PTPRK: variants seen among roughly 807,000 people sequenced by gnomAD.
PTPRK encodes the protein receptor-type tyrosine-protein phosphatase kappa.
A neutral mutation model predicts 178.0 loss-of-function variants in PTPRK; 75 were observed. The ratio of observed to expected loss-of-function variants is 0.42; its 90% confidence interval spans 0.35 to 0.51. PTPRK has a LOEUF of 0.51. Ranked by LOEUF, PTPRK falls within the 20% of genes least tolerant of loss-of-function variation. The pLI, the probability that PTPRK is intolerant of heterozygous loss-of-function variation, is 0.02. For missense variants in PTPRK, 1,441 were observed against 1,797.8 expected (o/e 0.80, Z 3.59); for synonymous variants, 637 against 620.6 (o/e 1.03, Z -0.39).
At chr6:128,380,375 G>T (rs1425580254) in intron 2 of PTPRK, among the ~76,000 whole-genome samples, 2 of 152,060 alleles carry the variant, frequency 1.3e-5, no homozygotes, top group Non-Finnish European at 2.9e-5. Context: ...AGCAAAGTGG[G>T]AGTTTTGTTT....
chr6:128,148,641 A>T (rs922579013), intron 7 of PTPRK, among the ~76,000 whole-genome samples: 4 of 152,180 alleles, frequency 2.6e-5, no homozygotes, highest in Non-Finnish European at 5.9e-5. Flanking sequence ...AACAGGTTAC[A>T]GATATACTAT....
intron 7 of PTPRK, among the ~76,000 whole-genome samples, chr6:128,164,502 C>G (rs901011641): frequency 2.6e-5 from 4 of 151,300 alleles, no homozygotes; most frequent in Non-Finnish European, 5.9e-5. Flanking sequence ...CTTTAACCCT[C>G]CAACGCCTCT....
chr6:128,317,454 C>A (rs1288894184), intron 3 of PTPRK, among the ~76,000 whole-genome samples: 1 of 150,322 alleles, frequency 6.7e-6, no homozygotes, highest in African/African-American at 2.5e-5. Flanking sequence ...AAAAAAAAAA[C>A]TGCTTCATTC....
chr6:128,172,715 GTA>G (rs1206391903), intron 7 of PTPRK, among the ~76,000 whole-genome samples: 1 of 150,800 alleles, frequency 6.6e-6, no homozygotes, highest in East Asian at 2.0e-4. Flanking sequence ...ATATATGTAT[GTA>G]TATGATATGC....
intron 7 of PTPRK, among the ~76,000 whole-genome samples, chr6:128,170,142 TAAG>T (rs1168258299): frequency 1.3e-5 from 2 of 151,950 alleles, no homozygotes; most frequent in Non-Finnish European, 1.5e-5. Flanking sequence ...CAAAGCCTAA[TAAG>T]AAACTTCATG....
intron 1 of PTPRK, among the ~76,000 whole-genome samples, chr6:128,459,202 C>T (rs1015312574): frequency 6.6e-6 from 1 of 152,090 alleles, no homozygotes; most frequent in Non-Finnish European, 1.5e-5. Context: ...AAATCAAAAA[C>T]ATCTTCTTAT....
At chr6:128,122,894 G>T (rs1792705750) in intron 7 of PTPRK, among the ~76,000 whole-genome samples, 1 of 152,040 alleles carries the variant, frequency 6.6e-6, no homozygotes. Context: ...GGCTTCTTTT[G>T]CCCAGTTCAT....
At chr6:128,053,290 C>G (rs1204924994) in intron 13 of PTPRK, among the ~76,000 whole-genome samples, 1 of 152,030 alleles carries the variant, frequency 6.6e-6, no homozygotes, top group African/African-American at 2.4e-5. Context: ...CTTCCCTGTG[C>G]GGCTGTGCTC....
chr6:128,315,184 C>G (rs1410241455), intron 3 of PTPRK, among the ~76,000 whole-genome samples: 1 of 152,046 alleles, frequency 6.6e-6, no homozygotes, highest in Non-Finnish European at 1.5e-5. Context: ...GTATCTGTTT[C>G]TAATTATTAT....
intron 6 of PTPRK, among the ~76,000 whole-genome samples, chr6:128,217,710 T>G (rs1223629221): frequency 6.6e-6 from 1 of 152,256 alleles, no homozygotes; most frequent in East Asian, 1.9e-4. Flanking sequence ...TGCTGTGTTC[T>G]CTGCTTGCTG....
In PTPRK at chr6:128,201,855, T is replaced by G. The variant is rs577543380; in HGVS notation, c.868+17067A>C. On this transcript the variant is annotated intron_variant, in intron 6 of 29. Transcript: ENST00000368226. ...TGCATTGTTTCTAGAGACAAGATAA[T>G]GACCCCAGTAACACAGTAGTAAGAA... 2.9e-3 allele frequency among the ~76,000 whole-genome samples: 437 copies of G among 152,248 alleles called. 1 individual carries two copies. Among genetic ancestry groups the G allele is most frequent in the Non-Finnish European group, 3.9e-3 (267 of 68,018 alleles).
At chr6:128,225,033 A>C (rs1010046438) in intron 5 of PTPRK, among the ~76,000 whole-genome samples, 3 of 152,192 alleles carry the variant, frequency 2.0e-5, no homozygotes, top group Admixed American at 6.5e-5. Flanking sequence ...CCTAAAAGAA[A>C]TATGGTATAA....
intron 2 of PTPRK, among the ~76,000 whole-genome samples, chr6:128,356,531 C>A (rs1833987243): frequency 6.6e-6 from 1 of 152,142 alleles, no homozygotes; most frequent in African/African-American, 2.4e-5. Context: ...TTGAAACCCT[C>A]CCCCATGCCC....
chr6:127,985,718 T>A lies in PTPRK; in HGVS notation c.3251+3A>T. ...AGTCAATACCATTTGGACCACCACT[T>A]ACCTGCAATGTACAACGATGGGGCC... On this transcript the variant is annotated splice_donor_region_variant and intron_variant, in intron 22 of 29. Transcript: ENST00000368226. 5.0e-6 allele frequency: 8 copies of A among 1,609,864 alleles called. No individual in the cohort carries two copies. Among genetic ancestry groups the A allele is most frequent in the Non-Finnish European group, 6.8e-6 (8 of 1,176,816 alleles).
intron 3 of PTPRK, among the ~76,000 whole-genome samples, chr6:128,312,749 G>A (rs1827423477): frequency 6.6e-6 from 1 of 151,238 alleles, no homozygotes; most frequent in South Asian, 2.1e-4. Context: ...GTATAAAATT[G>A]TTTTCATTTT....
intron 3 of PTPRK, among the ~76,000 whole-genome samples, chr6:128,308,533 A>G (rs1284658494): frequency 2.0e-5 from 3 of 152,130 alleles, no homozygotes; most frequent in Admixed American, 1.3e-4. Context: ...AAAATAAAGG[A>G]TAGTATAGGC....
chr6:128,482,061 G>C (rs1161785041), intron 1 of PTPRK, among the ~76,000 whole-genome samples: 1 of 152,112 alleles, frequency 6.6e-6, no homozygotes, highest in Non-Finnish European at 1.5e-5. Flanking sequence ...GCAATGACAC[G>C]AATTAGCAAT....
chr6:128,239,385 C>T (rs1813962711), intron 5 of PTPRK, among the ~76,000 whole-genome samples: 1 of 152,126 alleles, frequency 6.6e-6, no homozygotes, highest in Non-Finnish European at 1.5e-5. Context: ...GATAGACTTT[C>T]TATAAATTCT....
At chr6:128,407,275 T>C (rs901715943) in intron 1 of PTPRK, among the ~76,000 whole-genome samples, 4 of 152,090 alleles carry the variant, frequency 2.6e-5, no homozygotes, top group Non-Finnish European at 5.9e-5. Flanking sequence ...ATATCAGAAG[T>C]TCGTGGTTCC....
Sources: allele counts gnomAD v4.1 joint callset (sites outside exome capture counted in the v4.1 genomes callset), GRCh38; gene constraint gnomAD v4.1.1; transcripts MANE v1.5; gene names NCBI Gene and HGNC (gene_info 2026-07-23, HGNC 2026-07-21).